RBFOX1: variants seen among roughly 807,000 people sequenced by gnomAD.
RBFOX1 encodes RNA binding fox-1 homolog 1.
RBFOX1 carries 8 observed loss-of-function variants against 57.7 expected under a neutral mutation model. The ratio of observed to expected loss-of-function variants is 0.14; its 90% confidence interval spans 0.08 to 0.25. RBFOX1 has a LOEUF of 0.25. Among genes scored for constraint, RBFOX1 ranks in the 10% least tolerant of loss-of-function variants. RBFOX1 has a pLI of 1.00. For missense variants in RBFOX1, 611 were observed against 548.5 expected (o/e 1.11, Z -1.14); for synonymous variants, 326 against 222.4 (o/e 1.47, Z -4.15).
chr16:5,680,907 G>A (rs1472438632), intron 3 of RBFOX1, among the ~76,000 whole-genome samples: 1 of 152,080 alleles, frequency 6.6e-6, no homozygotes, highest in African/African-American at 2.4e-5. Flanking sequence ...GTGTGTGTGT[G>A]TGTGTGCTTG....
chr16:5,775,549 G>T (rs911892657), intron 3 of RBFOX1, among the ~76,000 whole-genome samples: 54 of 152,318 alleles, frequency 3.5e-4, no homozygotes, highest in Middle Eastern at 3.4e-3. Context: ...AGGCTCAGAG[G>T]TTCAGACACC....
chr16:7,622,685 A>G (rs900538372), intron 10 of RBFOX1, among the ~76,000 whole-genome samples: 9 of 152,294 alleles, frequency 5.9e-5, no homozygotes, highest in East Asian at 5.8e-4. Context: ...GGGATTATTT[A>G]CACTATAGAC....
chr16:5,455,123 ACT>A (rs2068590577), intron 1 of RBFOX1, among the ~76,000 whole-genome samples: 1 of 150,288 alleles, frequency 6.7e-6, no homozygotes, highest in Admixed American at 6.7e-5. Context: ...AAGTACCTTG[ACT>A]GATATAACAG....
rs1256720823 is a variant in RBFOX1, at chr16:7,155,855, C to G, written c.27+103757C>G. On this transcript the variant is annotated intron_variant, in intron 4 of 15. Transcript: ENST00000550418. ...ATATAATACCTATATATGTGATGAA[C>G]CATATGTAGTGGTCATAAAATTGGA... Among the ~76,000 whole-genome samples the G allele has an allele frequency of 3.3e-5, 5 of 149,960 alleles. 1 individual carries two copies. In the South Asian group the frequency reaches 1.1e-3, roughly 32 times the overall value.
At chr16:5,289,322 C>T in intron 1 of RBFOX1, 1 of 407,714 alleles carries the variant, frequency 2.5e-6, no homozygotes, top group Non-Finnish European at 4.7e-6. Context: ...ATTCCAGGAG[C>T]AGGTTCCACT....
intron 3 of RBFOX1, among the ~76,000 whole-genome samples, chr16:6,756,735 G>T (rs12932463): frequency 2.0e-5 from 3 of 151,968 alleles, no homozygotes; most frequent in Non-Finnish European, 2.9e-5. Flanking sequence ...ACTTTGGGAG[G>T]CTGAGGCAGG....
At chr16:5,733,297 C>T (rs1205361856) in intron 3 of RBFOX1, among the ~76,000 whole-genome samples, 1 of 152,170 alleles carries the variant, frequency 6.6e-6, no homozygotes, top group Non-Finnish European at 1.5e-5. Flanking sequence ...TCCACAAAGA[C>T]CTCGTAAACG....
chr16:6,359,047 T>C (rs1263110011), intron 2 of RBFOX1, among the ~76,000 whole-genome samples: 1 of 152,110 alleles, frequency 6.6e-6, no homozygotes, highest in Non-Finnish European at 1.5e-5. Context: ...TAATCCCTAA[T>C]AACAAATGCT....
At position 7,155,771 on chromosome 16, in the gene RBFOX1, A is replaced by G. The variant is rs74009264; in HGVS notation, c.27+103673A>G. On this transcript the variant is annotated intron_variant, in intron 4 of 15. Transcript: ENST00000550418. ...CACACACACACACACACACATATAT[A>G]TACAGACACATATATAATCATTCAG... is the stretch of plus-strand genomic sequence containing the variant. 7.5e-3 allele frequency among the ~76,000 whole-genome samples: 1,106 copies of G among 147,426 alleles called. 12 individuals carry two copies. Among genetic ancestry groups the G allele is most frequent in the African/African-American group, 0.027 (1,045 of 39,228 alleles).
chr16:5,597,232 T>G (rs2047210805), intron 2 of RBFOX1, among the ~76,000 whole-genome samples: 2 of 135,272 alleles, frequency 1.5e-5, no homozygotes, highest in Non-Finnish European at 1.6e-5. Context: ...ACACCTCTCC[T>G]TCCCACCCCC....
At chr16:5,392,724 G>A (rs2066447433) in intron 1 of RBFOX1, among the ~76,000 whole-genome samples, 2 of 151,926 alleles carry the variant, frequency 1.3e-5, no homozygotes, top group Non-Finnish European at 2.9e-5. Flanking sequence ...AACAAATGCA[G>A]ATGTAGAAAC....
chr16:6,210,763 A>G (rs2097291294), intron 1 of RBFOX1, among the ~76,000 whole-genome samples: 1 of 152,124 alleles, frequency 6.6e-6, no homozygotes, highest in African/African-American at 2.4e-5. Flanking sequence ...AAAAAAATTA[A>G]AAAAGGAATC....
chr16:6,053,786 C>T (rs957845916), intron 1 of RBFOX1, among the ~76,000 whole-genome samples: 2 of 152,122 alleles, frequency 1.3e-5, no homozygotes. Context: ...GGCACAGTGG[C>T]CTGCCCCATA....
chr16:6,216,068 G>T, intron 1 of RBFOX1, among the ~76,000 whole-genome samples: 1 of 152,152 alleles, frequency 6.6e-6, no homozygotes, highest in East Asian at 1.9e-4. Context: ...TTGTAAGAGA[G>T]AGTTAAATGA....
intron 4 of RBFOX1, among the ~76,000 whole-genome samples, chr16:5,960,270 T>C (rs1229249034): frequency 1.3e-5 from 2 of 152,214 alleles, no homozygotes; most frequent in Non-Finnish European, 2.9e-5. Flanking sequence ...ATCTATATTA[T>C]TTCACTTAAT....
Position 6,612,711 on chromosome 16 carries a change from G to A in RBFOX1, c.-63-41892G>A, listed in dbSNP as rs182410896. Reference sequence around the variant, plus strand: ...TACTAAAAATACAAAAATTAGCCGGGTGTGGTGGTCGGTGTCTGCAATCCC... The same window carrying A: ...TACTAAAAATACAAAAATTAGCCGGATGTGGTGGTCGGTGTCTGCAATCCC... On this transcript the variant is annotated intron_variant, in intron 2 of 15. Transcript: ENST00000550418. Among the ~76,000 whole-genome samples, 528 of 151,950 alleles carry A rather than the reference G, an allele frequency of 3.5e-3. 6 individuals carry two copies. The highest frequency in any genetic ancestry group is 0.012 in the African/African-American group (483 of 41,402).
intron 1 of RBFOX1, among the ~76,000 whole-genome samples, chr16:6,074,293 TA>T (rs2095870808): frequency 6.6e-6 from 1 of 152,164 alleles, no homozygotes; most frequent in South Asian, 2.1e-4. Flanking sequence ...TGCACAGCTG[TA>T]CAGACTTTTT....
At chr16:6,046,491 A>T (rs1389480983) in intron 1 of RBFOX1, among the ~76,000 whole-genome samples, 1 of 152,212 alleles carries the variant, frequency 6.6e-6, no homozygotes. Context: ...ACTCGAGTCT[A>T]GAGCTTAGGG....
chr16:6,408,695 C>T lies in RBFOX1; in HGVS notation c.-64+91638C>T, dbSNP rs187347406. 5.3e-5 allele frequency among the ~76,000 whole-genome samples: 8 copies of T among 152,102 alleles called. No individual in the cohort carries two copies. The East Asian group carries it at 9.7e-4, about 18-fold the overall frequency. ...ATGTTGTCTGTAACATGTTTTGTTACGGTTTTAGCAAGTTTTCAAGGCAAA... is the reference window on the plus strand; with the variant it reads ...ATGTTGTCTGTAACATGTTTTGTTATGGTTTTAGCAAGTTTTCAAGGCAAA... On this transcript the variant is annotated intron_variant, in intron 2 of 15. Coordinates refer to ENST00000550418, the MANE Select transcript of RBFOX1 (RefSeq NM_018723.4).
Sources: gnomAD v4.1 joint callset for allele counts (sites outside exome capture counted in the v4.1 genomes callset) on GRCh38, gnomAD v4.1.1 for gene constraint, MANE v1.5 for transcripts, NCBI Gene and HGNC (gene_info 2026-07-23, HGNC 2026-07-21) for gene names.